The following DMD variants were observed in gnomAD, a reference collection of about 807,000 sequenced individuals.
The protein encoded by DMD is mutant dystrophin.
In DMD, 63 loss-of-function variants were observed where a neutral mutation model predicts 330.1. That is an observed-to-expected ratio of 0.19 (90% CI 0.16 to 0.24). DMD has a LOEUF of 0.24. Among genes scored for constraint, DMD ranks in the 10% least tolerant of loss-of-function variants. The pLI, the probability that DMD is intolerant of heterozygous loss-of-function variation, is 1.00. For synonymous variants in DMD, 1,223 were observed against 959.8 expected, an observed-to-expected ratio of 1.27 and a Z score of -5.07; for missense variants, 3,344 against 2,684.1, an observed-to-expected ratio of 1.25 and a Z score of -5.43.
chrX:31,859,872 C>G (rs1240448058), intron 48 of DMD, among the ~76,000 whole-genome samples: 1 of 112,271 alleles, frequency 8.9e-6, no homozygotes, highest in Non-Finnish European at 1.9e-5. Context: ...AGGGAGGTAA[C>G]TTGCAAGTTT....
chrX:32,780,861 G>A (rs928078019), intron 7 of DMD, among the ~76,000 whole-genome samples: 3 of 109,378 alleles, frequency 2.7e-5, no homozygotes, highest in African/African-American at 1.0e-4. Context: ...AGAGGCCGAG[G>A]CGGGCAGATC....
At chrX:31,697,991 A>T (rs748425631) in intron 52 of DMD, among the ~76,000 whole-genome samples, 1 of 112,352 alleles carries the variant, frequency 8.9e-6, no homozygotes, top group South Asian at 3.7e-4. Flanking sequence ...TGAAGATAAA[A>T]TTCAATAATG....
intron 43 of DMD, among the ~76,000 whole-genome samples, chrX:32,281,103 C>T (rs2097419227): frequency 8.9e-6 from 1 of 112,392 alleles, no homozygotes; most frequent in South Asian, 3.7e-4. Context: ...TGCAGGCTTA[C>T]TGCTATGAGA....
intron 7 of DMD, among the ~76,000 whole-genome samples, chrX:32,738,384 T>C (rs1290848149): frequency 9.0e-6 from 1 of 111,700 alleles, no homozygotes; most frequent in African/African-American, 3.2e-5. Context: ...AATCTCTACT[T>C]CCTATTAGTT....
chrX:32,494,507 T>A (rs775907813), intron 19 of DMD, among the ~76,000 whole-genome samples: 1 of 111,311 alleles, frequency 9.0e-6, no homozygotes, highest in East Asian at 2.8e-4. Context: ...GTTCAGTTAC[T>A]TAATTTCACT....
intron 20 of DMD, among the ~76,000 whole-genome samples, chrX:32,487,511 AG>A (rs984423883): frequency 9.0e-6 from 1 of 111,524 alleles, no homozygotes; most frequent in Non-Finnish European, 1.9e-5. Context: ...TGAAAATCAA[AG>A]TGAAAAGGCA....
intron 11 of DMD, among the ~76,000 whole-genome samples, chrX:32,643,680 T>G (rs1289980809): frequency 2.7e-5 from 3 of 111,692 alleles, no homozygotes; most frequent in African/African-American, 9.7e-5. Context: ...CCAAAACGTT[T>G]GAATAATGTT....
intron 18 of DMD, among the ~76,000 whole-genome samples, chrX:32,505,589 G>A: frequency 8.9e-6 from 1 of 111,986 alleles, no homozygotes; most frequent in South Asian, 3.7e-4. Flanking sequence ...CAGCCACTTT[G>A]GAAGACAGTT....
intron 9 of DMD, among the ~76,000 whole-genome samples, chrX:32,684,982 T>G (rs749751575): frequency 8.9e-6 from 1 of 111,923 alleles, no homozygotes; most frequent in Non-Finnish European, 1.9e-5. Context: ...CATACTAAAT[T>G]CCTTTATTGA....
At chrX:31,284,868 A>C (rs1398866544) in intron 62 of DMD, among the ~76,000 whole-genome samples, 3 of 107,636 alleles carry the variant, frequency 2.8e-5, no homozygotes, top group African/African-American at 1.0e-4. Context: ...ACACACCCAC[A>C]CCCACACACG....
In DMD at chrX:31,121,937, A is replaced by AACAAAGAGAAAGAAAGACAGACTTT. The variant is rs1356275232; in HGVS notation, c.11047-32_11047-8dup. On this transcript the variant is annotated splice_region_variant and splice_polypyrimidine_tract_variant and intron_variant, in intron 78 of 78. Transcript: ENST00000357033. Reference sequence around the variant, plus strand: ...AGACTTCCTACATTGTGTCCTGGAAAACAAAGAGAAAGAAAGACAGACTTT... The same window carrying AACAAAGAGAAAGAAAGACAGACTTT: ...AGACTTCCTACATTGTGTCCTGGAAAACAAAGAGAAAGAAAGACAGACTTTACAAAGAGAAAGAAAGACAGACTTT... The AACAAAGAGAAAGAAAGACAGACTTT allele has an allele frequency of 3.4e-6, 4 of 1,172,622 alleles. No homozygotes were observed. Among genetic ancestry groups the AACAAAGAGAAAGAAAGACAGACTTT allele is most frequent in the Non-Finnish European group, 4.6e-6 (4 of 860,839 alleles).
chrX:32,278,899 T>C (rs895302071), intron 43 of DMD, among the ~76,000 whole-genome samples: 1 of 111,796 alleles, frequency 8.9e-6, no homozygotes, highest in Non-Finnish European at 1.9e-5. Context: ...GAGAAAATAT[T>C]TGCAAATTAC....
In DMD at chrX:32,472,270, A is replaced by G; in HGVS notation, c.2843T>C (p.Met948Thr). 1.7e-6 allele frequency: 2 copies of G among 1,211,196 alleles called. No individual in the cohort carries two copies. Among genetic ancestry groups the G allele is most frequent in the Non-Finnish European group, 2.2e-6 (2 of 895,200 alleles). The change falls in exon 22 of 79, where the codon ATG (methionine) becomes ACG (threonine). Residue 948 changes from methionine to threonine, a missense_variant. Coordinates refer to ENST00000357033, the MANE Select transcript of DMD (RefSeq NM_004006.3). ...TLPPMRYQET[M>T]SAIRTWVQQS... Reference sequence around the variant, plus strand: ...CTGGACCCATGTCCTGATGGCACTCATGGTCTCCTGATAGCGCATTGGTGG... The same window carrying G: ...CTGGACCCATGTCCTGATGGCACTCGTGGTCTCCTGATAGCGCATTGGTGG...
chrX:31,661,100 C>T (rs977819459), intron 53 of DMD, among the ~76,000 whole-genome samples: 2 of 111,866 alleles, frequency 1.8e-5, no homozygotes, highest in African/African-American at 3.2e-5. Context: ...TGAGGCTTGA[C>T]GTCAAACCAG....
intron 44 of DMD, among the ~76,000 whole-genome samples, chrX:32,127,271 G>A (rs752810767): frequency 4.5e-5 from 5 of 111,538 alleles, no homozygotes; most frequent in South Asian, 3.7e-4. Flanking sequence ...TCTTACCTCC[G>A]TTTCTTAGAA....
intron 43 of DMD, among the ~76,000 whole-genome samples, chrX:32,220,347 A>T (rs1037262434): frequency 3.6e-5 from 4 of 111,762 alleles, no homozygotes; most frequent in Admixed American, 2.9e-4. Context: ...AACCTTTGAA[A>T]ACTGTAAAGT....
chrX:32,678,494 G>A (rs934844253), intron 9 of DMD, among the ~76,000 whole-genome samples: 10 of 108,720 alleles, frequency 9.2e-5, no homozygotes, highest in Middle Eastern at 4.7e-3. Context: ...CTGTGTTTGC[G>A]TGTCCGTGTG....
At chrX:31,972,710 C>G (rs1224971088) in intron 44 of DMD, among the ~76,000 whole-genome samples, 1 of 111,745 alleles carries the variant, frequency 8.9e-6, no homozygotes, top group African/African-American at 3.2e-5. Context: ...CTGAGATTTA[C>G]TTGTAATTTT....
intron 63 of DMD, among the ~76,000 whole-genome samples, chrX:31,244,364 AACTG>A (rs917436781): frequency 3.6e-5 from 4 of 112,149 alleles, no homozygotes; most frequent in African/African-American, 1.3e-4. Flanking sequence ...ACTTTCTGAT[AACTG>A]ACTGTCTGTT....
Sources: allele counts gnomAD v4.1 joint callset (sites outside exome capture counted in the v4.1 genomes callset), GRCh38; gene constraint gnomAD v4.1.1; transcripts MANE v1.5; gene names NCBI Gene and HGNC (gene_info 2026-07-23, HGNC 2026-07-21).